The following FNIP1 variants were observed in gnomAD, a reference collection of about 807,000 sequenced individuals.
The protein encoded by FNIP1 is folliculin interacting protein 1.
In FNIP1, 40 loss-of-function variants were observed where a neutral mutation model predicts 124.5. The ratio of observed to expected loss-of-function variants is 0.32; its 90% CI spans 0.25 to 0.42. The LOEUF (loss-of-function observed/expected upper bound fraction) is 0.42, where lower values mean the gene tolerates loss of function less well. Among genes scored for constraint, FNIP1 ranks in the 10% least tolerant of loss-of-function variants. FNIP1 has a pLI of 1.00. For missense variants in FNIP1, 1,176 were observed against 1,403.7 expected, an observed-to-expected ratio of 0.84 and a Z score of 2.59; for synonymous variants, 472 against 470.6, an observed-to-expected ratio of 1.00 and a Z score of -0.04.
chr5:131,749,708 T>C (rs1188808217), intron 1 of FNIP1, among the ~76,000 whole-genome samples: 1 of 152,126 alleles, frequency 6.6e-6, no homozygotes, highest in Non-Finnish European at 1.5e-5. Flanking sequence ...TTATCTTTTA[T>C]ACCATATTTT....
rs75964074 is a variant in FNIP1, at chr5:131,722,674, C to T, written c.355-3257G>A. Among the ~76,000 whole-genome samples the T allele has an allele frequency of 5.2e-3, 786 of 152,116 alleles. 4 individuals are homozygous for T. The highest frequency in any genetic ancestry group is 0.017 in the African/African-American group (720 of 41,504). Reference sequence around the variant, plus strand: ...TAGCAACACATTTTTTAATACATGGCTATTTTTATATCAGTTTCACATTTT... The same window carrying T: ...TAGCAACACATTTTTTAATACATGGTTATTTTTATATCAGTTTCACATTTT... On this transcript the variant is annotated intron_variant, in intron 3 of 17. Transcript: ENST00000510461.
chr5:131,743,612 C>T (rs1057035035), intron 2 of FNIP1, among the ~76,000 whole-genome samples: 14 of 152,110 alleles, frequency 9.2e-5, no homozygotes, highest in African/African-American at 3.1e-4. Flanking sequence ...CGTCCTAACC[C>T]ACCATGCGAT....
At chr5:131,693,349 T>TATAC (rs1554094507) in intron 11 of FNIP1, among the ~76,000 whole-genome samples, 15 of 126,064 alleles carry the variant, frequency 1.2e-4, no homozygotes, top group Non-Finnish European at 2.1e-4. Flanking sequence ...TATATATATA[T>TATAC]ATATATATAT....
At chr5:131,792,013 T>C (rs2149591557) in intron 1 of FNIP1, among the ~76,000 whole-genome samples, 1 of 152,330 alleles carries the variant, frequency 6.6e-6, no homozygotes, top group South Asian at 2.1e-4. Context: ...CAACTACTTC[T>C]GGTTCCTGAA....
chr5:131,664,132 T>C (rs1434772579), intron 15 of FNIP1, among the ~76,000 whole-genome samples: 1 of 152,206 alleles, frequency 6.6e-6, no homozygotes, highest in Admixed American at 6.5e-5. Context: ...TTTCTGTATG[T>C]TGAACACTGA....
At chr5:131,748,234 T>C (rs1770747691) in intron 1 of FNIP1, among the ~76,000 whole-genome samples, 1 of 152,082 alleles carries the variant, frequency 6.6e-6, no homozygotes, top group African/African-American at 2.4e-5. Flanking sequence ...TATAATGCAG[T>C]TCAAAAACTC....
chr5:131,787,865 C>G (rs1052803957), intron 1 of FNIP1, among the ~76,000 whole-genome samples: 2 of 152,090 alleles, frequency 1.3e-5, no homozygotes, highest in African/African-American at 4.8e-5. Flanking sequence ...AATCCCAACA[C>G]TTTGAGAGGC....
chr5:131,768,954 C>T (rs1207592294), intron 1 of FNIP1, among the ~76,000 whole-genome samples: 2 of 152,054 alleles, frequency 1.3e-5, no homozygotes, highest in African/African-American at 4.8e-5. Flanking sequence ...AAATTCAGGT[C>T]CATGTCAGTA....
intron 10 of FNIP1, among the ~76,000 whole-genome samples, chr5:131,700,875 T>G (rs1768878598): frequency 6.6e-6 from 1 of 152,232 alleles, no homozygotes; most frequent in South Asian, 2.1e-4. Flanking sequence ...TAAGTCCCAT[T>G]CACTTATGTA....
At chr5:131,748,402 AG>A (rs1167316380) in intron 1 of FNIP1, among the ~76,000 whole-genome samples, 5 of 152,150 alleles carry the variant, frequency 3.3e-5, no homozygotes, top group African/African-American at 1.2e-4. Context: ...TGATAATAAA[AG>A]ACTATGTTGG....
chr5:131,700,667 AC>A (rs1484397513), intron 10 of FNIP1, among the ~76,000 whole-genome samples: 1 of 152,170 alleles, frequency 6.6e-6, no homozygotes, highest in African/African-American at 2.4e-5. Flanking sequence ...AAATTAAATC[AC>A]AAATCTCAAA....
intron 1 of FNIP1, among the ~76,000 whole-genome samples, chr5:131,748,172 A>G (rs987428065): frequency 1.3e-5 from 2 of 152,268 alleles, no homozygotes; most frequent in East Asian, 1.9e-4. Flanking sequence ...CATACACCAT[A>G]TAACGTTTTG....
intron 1 of FNIP1, among the ~76,000 whole-genome samples, chr5:131,758,840 G>T (rs1352989638): frequency 1.3e-5 from 2 of 151,878 alleles, no homozygotes; most frequent in African/African-American, 2.4e-5. Flanking sequence ...TCTCAATGCG[G>T]GCAAGATCAC....
At chr5:131,653,539 C>CA (rs79417004) in intron 15 of FNIP1, among the ~76,000 whole-genome samples, 168 of 114,344 alleles carry the variant, frequency 1.5e-3, no homozygotes, top group Middle Eastern at 0.014. Flanking sequence ...AATTCCGTCT[C>CA]AAAAAAAAAA....
chr5:131,795,338 A>T (rs892902802), intron 1 of FNIP1, among the ~76,000 whole-genome samples: 1 of 152,186 alleles, frequency 6.6e-6, no homozygotes, highest in South Asian at 2.1e-4. Context: ...TTACGCAACT[A>T]TGTAGTAGAC....
chr5:131,749,159 A>G (rs989131722), intron 1 of FNIP1, among the ~76,000 whole-genome samples: 2 of 152,178 alleles, frequency 1.3e-5, no homozygotes, highest in Admixed American at 1.3e-4. Context: ...TAAGGAAAAA[A>G]CTTACAATAA....
intron 2 of FNIP1, among the ~76,000 whole-genome samples, chr5:131,734,373 T>C (rs1770211979): frequency 6.6e-6 from 1 of 152,178 alleles, no homozygotes; most frequent in South Asian, 2.1e-4. Flanking sequence ...GCTAGCTTTT[T>C]CAATTTGTTT....
rs192610589 is a variant in FNIP1, at chr5:131,714,417, A to G, written c.622+2148T>C. On this transcript the variant is annotated intron_variant, in intron 6 of 17. Coordinates refer to ENST00000510461, the MANE Select transcript of FNIP1 (RefSeq NM_133372.3). ...GCATGTTTAATCCTGTCTTTGGCAA[A>G]CCGTTAAAAAAAACAGGTAAAGGAC... Among the ~76,000 whole-genome samples, 480 of 152,250 alleles carry G rather than the reference A, an allele frequency of 3.2e-3. 3 individuals are homozygous for G. The highest frequency in any genetic ancestry group is 0.011 in the African/African-American group (457 of 41,554).
chr5:131,776,784 G>C (rs1422257763), intron 1 of FNIP1, among the ~76,000 whole-genome samples: 1 of 152,218 alleles, frequency 6.6e-6, no homozygotes, highest in East Asian at 1.9e-4. Flanking sequence ...TAACTAGAAA[G>C]GCAAATGAAG....
Sources: gnomAD v4.1 joint callset for allele counts (sites outside exome capture counted in the v4.1 genomes callset) on GRCh38, gnomAD v4.1.1 for gene constraint, MANE v1.5 for transcripts, NCBI Gene and HGNC (gene_info 2026-07-23, HGNC 2026-07-21) for gene names.